The following SEMA6A variants were observed in gnomAD, a reference collection of about 807,000 sequenced individuals.
SEMA6A encodes semaphorin 6A.
In SEMA6A, 25 loss-of-function variants were observed where a neutral mutation model predicts 96.8. The ratio of observed to expected loss-of-function variants is 0.26; its 90% confidence interval spans 0.19 to 0.36. The LOEUF (loss-of-function observed/expected upper bound fraction) is 0.36. Ranked by LOEUF, SEMA6A falls within the 10% of genes least tolerant of loss-of-function variation. The pLI is 1.00. For missense variants in SEMA6A, 1,363 were observed against 1,323.1 expected, an observed-to-expected ratio of 1.03 and a Z score of -0.47; for synonymous variants, 612 against 518.0, an observed-to-expected ratio of 1.18 and a Z score of -2.46.
At chr5:116,502,645 T>G (rs1437303818) in intron 2 of SEMA6A, 1 of 242,706 alleles carries the variant, frequency 4.1e-6, no homozygotes, top group Admixed American at 5.2e-5. Context: ...TGCTCTTTTC[T>G]TCCACAGTTT....
At position 116,445,131 on chromosome 5, in the gene SEMA6A, G is replaced by C. The variant is rs760546501; in HGVS notation, c.*1482C>G. On this transcript the variant is annotated 3_prime_UTR_variant, in exon 19 of 19. Coordinates refer to ENST00000343348, the MANE Select transcript of SEMA6A (RefSeq NM_020796.5). Reference sequence around the variant, plus strand: ...TGCTGCCCAGCGTTCTCAGGCTGTCGCATGACAACTATCACCACTGCATTC... The same window carrying C: ...TGCTGCCCAGCGTTCTCAGGCTGTCCCATGACAACTATCACCACTGCATTC... 15 of 152,634 alleles carry C rather than the reference G, an allele frequency of 9.8e-5. No homozygotes were observed. The highest frequency in any genetic ancestry group is 5.2e-4 in the Admixed American group (8 of 15,282). 9.5% of individuals were successfully genotyped at this position (152,634 alleles called of 1,614,324 possible).
At chr5:116,527,184 C>CAAAAT (rs1191393891) in intron 1 of SEMA6A, among the ~76,000 whole-genome samples, 1 of 151,934 alleles carries the variant, frequency 6.6e-6, no homozygotes, top group East Asian at 1.9e-4. Flanking sequence ...AAAGCTCCAG[C>CAAAAT]AAAATATCAA....
intron 18 of SEMA6A, among the ~76,000 whole-genome samples, chr5:116,448,820 G>A (rs1228459422): frequency 1.4e-5 from 2 of 146,736 alleles, no homozygotes; most frequent in African/African-American, 5.0e-5. Flanking sequence ...ATATTTGAAT[G>A]AAGCTTTCTC....
chr5:116,526,209 T>G (rs929137620), intron 1 of SEMA6A, among the ~76,000 whole-genome samples: 10 of 152,106 alleles, frequency 6.6e-5, no homozygotes, highest in African/African-American at 2.4e-4. Flanking sequence ...CATTTTCCTA[T>G]TAACAGCCCC....
intron 1 of SEMA6A, among the ~76,000 whole-genome samples, chr5:116,553,883 TA>T (rs56078698): frequency 6.6e-6 from 1 of 152,220 alleles, no homozygotes; most frequent in South Asian, 2.1e-4. Context: ...TACCATTTTT[TA>T]AAATAAGTAA....
intron 18 of SEMA6A, among the ~76,000 whole-genome samples, chr5:116,466,220 AT>A: frequency 6.7e-6 from 1 of 148,480 alleles, no homozygotes; most frequent in African/African-American, 2.4e-5. Flanking sequence ...AAAAAAAAAA[AT>A]ACAAAAATTA....
At chr5:116,508,640 AG>A (rs1758257505) in intron 1 of SEMA6A, among the ~76,000 whole-genome samples, 1 of 152,180 alleles carries the variant, frequency 6.6e-6, no homozygotes, top group African/African-American at 2.4e-5. Context: ...AGCAATATTG[AG>A]GGAAAAATAG....
intron 18 of SEMA6A, among the ~76,000 whole-genome samples, chr5:116,465,569 A>C (rs762375349): frequency 6.6e-6 from 1 of 152,198 alleles, no homozygotes; most frequent in Non-Finnish European, 1.5e-5. Flanking sequence ...CTCTGCCACC[A>C]TTGTTTGACA....
At chr5:116,530,851 T>G (rs1759437897) in intron 1 of SEMA6A, among the ~76,000 whole-genome samples, 1 of 152,198 alleles carries the variant, frequency 6.6e-6, no homozygotes, top group Non-Finnish European at 1.5e-5. Context: ...GGAATTTATT[T>G]TTGCAAAGTA....
intron 3 of SEMA6A, among the ~76,000 whole-genome samples, chr5:116,499,718 A>C (rs1048297307): frequency 3.4e-4 from 52 of 152,200 alleles, no homozygotes; most frequent in African/African-American, 1.3e-3. Flanking sequence ...AGATGAGCTT[A>C]TTTGATAGTT....
intron 1 of SEMA6A, among the ~76,000 whole-genome samples, 182 bp downstream of exon 1, chr5:116,574,003 A>G (rs1474975961): frequency 6.6e-6 from 1 of 151,728 alleles, no homozygotes; most frequent in African/African-American, 2.4e-5. Flanking sequence ...CAGAGAGGAA[A>G]GGCAGGCAGG....
chr5:116,503,878 A>G (rs990069714), intron 2 of SEMA6A, among the ~76,000 whole-genome samples: 1 of 152,184 alleles, frequency 6.6e-6, no homozygotes, highest in Non-Finnish European at 1.5e-5. Context: ...AAATAAATAA[A>G]TGTTTATTAA....
chr5:116,507,292 A>C (rs959843144), intron 1 of SEMA6A, among the ~76,000 whole-genome samples: 34 of 152,182 alleles, frequency 2.2e-4, no homozygotes, highest in African/African-American at 6.5e-4. Context: ...AATTTTCTTC[A>C]GTTGAAGTTT....
intron 5 of SEMA6A, chr5:116,495,969 G>A (rs1000497191): frequency 2.8e-5 from 11 of 386,874 alleles, no homozygotes; most frequent in South Asian, 1.6e-4. Flanking sequence ...GGGCATCGGC[G>A]TACACTCAGA....
intron 1 of SEMA6A, among the ~76,000 whole-genome samples, chr5:116,538,571 A>T (rs1444246356): frequency 1.3e-5 from 2 of 152,118 alleles, no homozygotes; most frequent in Non-Finnish European, 2.9e-5. Context: ...TGCTCAGAGG[A>T]ACAGAATTTC....
At chr5:116,452,660 C>T (rs1281269220) in intron 18 of SEMA6A, among the ~76,000 whole-genome samples, 2 of 149,278 alleles carry the variant, frequency 1.3e-5, no homozygotes, top group South Asian at 2.2e-4. Flanking sequence ...ATATCAAACA[C>T]TACATTCCTT....
chr5:116,549,801 A>G (rs1021466651), intron 1 of SEMA6A, among the ~76,000 whole-genome samples: 1 of 152,162 alleles, frequency 6.6e-6, no homozygotes, highest in Non-Finnish European at 1.5e-5. Context: ...AACACTTTTC[A>G]GAGCATTTAG....
intron 1 of SEMA6A, among the ~76,000 whole-genome samples, chr5:116,525,554 C>A (rs1249534036): frequency 6.6e-6 from 1 of 152,032 alleles, no homozygotes; most frequent in Non-Finnish European, 1.5e-5. Flanking sequence ...ACTGTAGTTC[C>A]AATTTCCCCC....
intron 1 of SEMA6A, among the ~76,000 whole-genome samples, chr5:116,513,723 G>A (rs1008674049): frequency 1.6e-4 from 24 of 151,446 alleles, no homozygotes; most frequent in African/African-American, 5.1e-4. Context: ...TCATCCCATC[G>A]CCCAAGTATT....
Sources: allele counts gnomAD v4.1 joint callset (sites outside exome capture counted in the v4.1 genomes callset), GRCh38; gene constraint gnomAD v4.1.1; transcripts MANE v1.5; gene names NCBI Gene and HGNC (gene_info 2026-07-23, HGNC 2026-07-21).